The following ITGA8 variants were observed in gnomAD, a reference collection of about 807,000 sequenced individuals.
ITGA8 encodes integrin alpha-8.
Under a neutral mutation model 142.3 loss-of-function variants are expected in ITGA8, and 91 were observed. The ratio of observed to expected loss-of-function variants is 0.64; its 90% CI spans 0.54 to 0.76. The LOEUF (loss-of-function observed/expected upper bound fraction) is 0.76. ITGA8 is among the 30% of genes least tolerant of loss of function. The pLI is 0.00. For missense variants in ITGA8, 1,406 were observed against 1,327.7 expected (o/e 1.06, Z -0.92); for synonymous variants, 505 against 485.2 (o/e 1.04, Z -0.54).
chr10:15,622,608 A>AAACAAAAC (rs371112823), intron 13 of ITGA8, among the ~76,000 whole-genome samples: 4,638 of 151,390 alleles, frequency 0.031, 99 homozygotes, highest in Non-Finnish European at 0.045. Context: ...AAAACAAAAA[A>AAACAAAAC]AAAACCACAT....
chr10:15,697,753 C>A (rs148084473), intron 2 of ITGA8, among the ~76,000 whole-genome samples: 1 of 152,128 alleles, frequency 6.6e-6, no homozygotes, highest in Non-Finnish European at 1.5e-5. Context: ...AAACATATAT[C>A]CAGCCATTTA....
intron 8 of ITGA8, among the ~76,000 whole-genome samples, chr10:15,667,482 T>C (rs1448466581): frequency 6.6e-6 from 1 of 152,204 alleles, no homozygotes; most frequent in Non-Finnish European, 1.5e-5. Context: ...CCTGGATTCA[T>C]TAATTTGTTG....
intron 14 of ITGA8, among the ~76,000 whole-genome samples, chr10:15,614,305 G>C (rs559735657): frequency 6.6e-6 from 1 of 152,066 alleles, no homozygotes; most frequent in Non-Finnish European, 1.5e-5. Context: ...CACGAAGCAG[G>C]GTTTGCAGAA....
At chr10:15,539,412 C>T (rs1399094592) in intron 27 of ITGA8, among the ~76,000 whole-genome samples, 1 of 152,132 alleles carries the variant, frequency 6.6e-6, no homozygotes, top group Non-Finnish European at 1.5e-5. Flanking sequence ...ATTATGTCAG[C>T]ATTGTGGGTT....
At chr10:15,593,480 T>C (rs1832958996) in intron 21 of ITGA8, among the ~76,000 whole-genome samples, 1 of 152,182 alleles carries the variant, frequency 6.6e-6, no homozygotes, top group Non-Finnish European at 1.5e-5. Flanking sequence ...CCAGGTGCAT[T>C]GCAAATAAAT....
chr10:15,539,535 A>T (rs142979174), intron 27 of ITGA8, among the ~76,000 whole-genome samples: 4 of 152,260 alleles, frequency 2.6e-5, no homozygotes, highest in Admixed American at 1.3e-4. Context: ...GAAATAAAAG[A>T]ACAATCATGA....
intron 2 of ITGA8, among the ~76,000 whole-genome samples, chr10:15,712,249 A>G (rs943371725): frequency 7.2e-5 from 11 of 152,286 alleles, no homozygotes; most frequent in African/African-American, 1.7e-4. Context: ...TTTTTTTAAT[A>G]AAACCAATAA....
At chr10:15,556,330 GTC>G (rs1833889471) in intron 26 of ITGA8, among the ~76,000 whole-genome samples, 1 of 151,800 alleles carries the variant, frequency 6.6e-6, no homozygotes, top group Non-Finnish European at 1.5e-5. Flanking sequence ...ACCCAGCCAG[GTC>G]TCTCTCTTTG....
At chr10:15,598,888 T>C (rs1446608868) in intron 20 of ITGA8, among the ~76,000 whole-genome samples, 2 of 152,202 alleles carry the variant, frequency 1.3e-5, no homozygotes, top group Non-Finnish European at 2.9e-5. Flanking sequence ...GGTGGTAATA[T>C]TCTTTCTTCT....
intron 2 of ITGA8, among the ~76,000 whole-genome samples, chr10:15,713,030 T>G (rs1235705477): frequency 6.6e-6 from 1 of 152,234 alleles, no homozygotes; most frequent in Admixed American, 6.5e-5. Flanking sequence ...CATTTCTAGT[T>G]GGAGTTTCAA....
chr10:15,583,702 G>A (rs1025749083), intron 23 of ITGA8, among the ~76,000 whole-genome samples: 7 of 152,024 alleles, frequency 4.6e-5, no homozygotes, highest in Non-Finnish European at 8.8e-5. Context: ...CCAGGGTCTC[G>A]GGGTGGGGAA....
At chr10:15,608,326 G>A (rs2131611542) in intron 15 of ITGA8, 36 bp from the exon 16 acceptor site, 3 of 1,369,796 alleles carry the variant, frequency 2.2e-6, no homozygotes, top group East Asian at 2.3e-5. Context: ...GGTTAATAAA[G>A]TTTTGAATCT....
chr10:15,517,863 T>A (rs1017685601), intron 29 of ITGA8, among the ~76,000 whole-genome samples: 6 of 152,256 alleles, frequency 3.9e-5, no homozygotes, highest in Non-Finnish European at 7.3e-5. Context: ...CACAGCAATG[T>A]GTCCCAAGGA....
intron 28 of ITGA8, among the ~76,000 whole-genome samples, chr10:15,521,336 TTAAC>T (rs974255905): frequency 1.5e-4 from 23 of 152,338 alleles, no homozygotes; most frequent in Admixed American, 2.6e-4. Flanking sequence ...TTCTGTCTTC[TTAAC>T]TAGAGTTGAG....
chr10:15,684,897 C>T (rs1452246322), intron 3 of ITGA8, among the ~76,000 whole-genome samples: 4 of 152,148 alleles, frequency 2.6e-5, no homozygotes, highest in African/African-American at 9.7e-5. Flanking sequence ...TGCAAACAAG[C>T]TAGTAAACCT....
intron 13 of ITGA8, among the ~76,000 whole-genome samples, chr10:15,627,247 CTT>C (rs1833601311): frequency 6.6e-6 from 1 of 152,202 alleles, no homozygotes; most frequent in East Asian, 1.9e-4. Context: ...AGATCCTTCT[CTT>C]TCACATGTTT....
At chr10:15,568,500 T>TA (rs1454152068) in intron 25 of ITGA8, among the ~76,000 whole-genome samples, 1 of 152,216 alleles carries the variant, frequency 6.6e-6, no homozygotes, top group African/African-American at 2.4e-5. Context: ...TCTACTGTGA[T>TA]AAAAAATACC....
chr10:15,532,684 T>C (rs1293019074), intron 27 of ITGA8, among the ~76,000 whole-genome samples: 1 of 152,036 alleles, frequency 6.6e-6, no homozygotes, highest in Non-Finnish European at 1.5e-5. Context: ...AATGGTTCGA[T>C]CTACCCAGTG....
At chr10:15,685,680 C>G (rs889063646) in intron 3 of ITGA8, among the ~76,000 whole-genome samples, 7 of 152,158 alleles carry the variant, frequency 4.6e-5, no homozygotes, top group Non-Finnish European at 7.4e-5. Context: ...ATAAGACATA[C>G]TTTATGTCAT....
Sources: gnomAD v4.1 joint callset for allele counts (sites outside exome capture counted in the v4.1 genomes callset) on GRCh38, gnomAD v4.1.1 for gene constraint, MANE v1.5 for transcripts, NCBI Gene and HGNC (gene_info 2026-07-23, HGNC 2026-07-21) for gene names.